The following LYST variants were observed in gnomAD, a reference collection of about 807,000 sequenced individuals.
LYST encodes lysosomal trafficking regulator, also known as lysosomal-trafficking regulator.
LYST carries 192 observed loss-of-function variants against 413.6 expected under a neutral mutation model. The ratio of observed to expected loss-of-function variants is 0.46; its 90% confidence interval spans 0.41 to 0.52. LYST has a LOEUF of 0.52. LYST is among the 20% of genes least tolerant of loss of function. The probability of loss-of-function intolerance (pLI) is 0.00; values close to 1 mark genes in which losing one functional copy is unlikely to be tolerated. For synonymous variants in LYST, 1,525 were observed against 1,567.3 expected (o/e 0.97, Z 0.64); for missense variants, 3,815 against 4,499.9 (o/e 0.85, Z 4.35).
intron 1 of LYST, among the ~76,000 whole-genome samples, chr1:235,864,862 G>C (rs559795878): frequency 6.6e-6 from 1 of 152,278 alleles, no homozygotes; most frequent in African/African-American, 2.4e-5. Context: ...CTGGGAAGTC[G>C]AGGCTGCAGT....
At chr1:235,738,815 A>G in intron 31 of LYST, 1 of 805,622 alleles carries the variant, frequency 1.2e-6, no homozygotes, top group Non-Finnish European at 2.2e-6. Flanking sequence ...GGGTGCACCC[A>G]ATTTCCACCA....
At position 235,827,335 on chromosome 1, in the gene LYST, G is replaced by C. The variant is rs115841482; in HGVS notation, c.192+2891C>G. On this transcript the variant is annotated intron_variant, in intron 3 of 52. Transcript: ENST00000389793. ...AGTGAGCCATGATTGTGCCGCTGCA[G>C]TCCAGCCTGGGTGAAAAAGTGAGAC... The C allele has an allele frequency of 0.017, 11,402 of 658,592 alleles. 1,146 individuals carry two copies. In the African/African-American group the frequency reaches 0.21, roughly 12 times the overall value. 40.8% of individuals were successfully genotyped at this position (658,592 alleles called of 1,614,324 possible).
At chr1:235,801,424 T>C (rs57456150) in intron 8 of LYST, among the ~76,000 whole-genome samples, 31 of 150,864 alleles carry the variant, frequency 2.1e-4, no homozygotes, top group African/African-American at 7.3e-4. Flanking sequence ...GACCCCCCCC[T>C]CAAATACCTA....
At chr1:235,746,250 C>T in intron 29 of LYST, 86 bp downstream of exon 29, 1 of 1,137,964 alleles carries the variant, frequency 8.8e-7, no homozygotes, top group South Asian at 1.3e-5. Context: ...GCTGCTTAAA[C>T]ATCTGAAAAC....
At position 235,810,528 on chromosome 1, in the gene LYST, T is replaced by C; in HGVS notation, c.290A>G (p.Asn97Ser). The C allele has an allele frequency of 6.2e-7, 1 of 1,610,976 alleles. No homozygotes were observed. The highest frequency in any genetic ancestry group is 8.5e-7 in the Non-Finnish European group (1 of 1,179,708). Residue 97 changes from asparagine (N) to serine (S), a missense_variant, in exon 5 of 53, where the codon AAC (asparagine) becomes AGC (serine). By Grantham distance (46) the Asn-to-Ser change is conservative. Transcript: ENST00000389793. ...GATTATATCTGCTGAGAGCGGTAGGTTAAAATCTAATGGAATGAAAAAAGA... is the reference window on the plus strand; with the variant it reads ...GATTATATCTGCTGAGAGCGGTAGGCTAAAATCTAATGGAATGAAAAAAGA... ...PVQEEKATDF[N>S]LPLSADIILT... is the part of the protein sequence containing the mutation.
At chr1:235,726,440 A>G (rs1572080987) in intron 38 of LYST, among the ~76,000 whole-genome samples, 1 of 152,188 alleles carries the variant, frequency 6.6e-6, no homozygotes, top group East Asian at 1.9e-4. Context: ...TTCATTCAAC[A>G]TATATTAATT....
At position 235,709,997 on chromosome 1, in the gene LYST, A is replaced by T. The variant is rs76631752; in HGVS notation, c.9926-689T>A. On this transcript the variant is annotated intron_variant, in intron 43 of 52. Coordinates refer to ENST00000389793, the MANE Select transcript of LYST (RefSeq NM_000081.4). ...ACAAAAATCTCAGAAGTGTTTATTTAAAAAAATTATCCTAAAGGAAATGTT... is the reference window on the plus strand; with the variant it reads ...ACAAAAATCTCAGAAGTGTTTATTTTAAAAAATTATCCTAAAGGAAATGTT... Among the ~76,000 whole-genome samples the T allele has an allele frequency of 5.1e-3, 770 of 152,262 alleles. 10 individuals are homozygous for T. The highest frequency in any genetic ancestry group is 0.017 in the African/African-American group (715 of 41,562).
At chr1:235,804,336 G>C (rs902545077) in intron 7 of LYST, among the ~76,000 whole-genome samples, 168 bp downstream of exon 7, 2 of 152,086 alleles carry the variant, frequency 1.3e-5, no homozygotes, top group African/African-American at 2.4e-5. Flanking sequence ...ACAAAATACT[G>C]TCCATCCCAT....
At chr1:235,863,875 T>A (rs1271546916) in intron 1 of LYST, among the ~76,000 whole-genome samples, 5 of 152,220 alleles carry the variant, frequency 3.3e-5, no homozygotes, top group African/African-American at 4.8e-5. Context: ...GAATTTTCTG[T>A]GAGGCCCATC....
intron 16 of LYST, among the ~76,000 whole-genome samples, chr1:235,778,778 T>C (rs1177743886): frequency 6.6e-6 from 1 of 152,120 alleles, no homozygotes; most frequent in Non-Finnish European, 1.5e-5. Flanking sequence ...TGTGTATGAT[T>C]ATGCTGGAAA....
At chr1:235,763,757 A>C (rs913611637) in intron 21 of LYST, among the ~76,000 whole-genome samples, 3 of 151,934 alleles carry the variant, frequency 2.0e-5, no homozygotes, top group Non-Finnish European at 4.4e-5. Flanking sequence ...CATGCCTAGC[A>C]TGACTTCATT....
upstream of LYST, among the ~76,000 whole-genome samples, chr1:235,869,646 T>C (rs1680843978): frequency 6.6e-6 from 1 of 152,234 alleles, no homozygotes; most frequent in Non-Finnish European, 1.5e-5. Flanking sequence ...ATTTCACATT[T>C]AATTATTCTC....
chr1:235,662,923 G>C lies in LYST; in HGVS notation c.*17C>G. Reference sequence around the variant, plus strand: ...TTGGAGTTAAAGTGCTTTGGAGAACGTGAAGTTCATTCGCATTCACCCGGC... The same window carrying C: ...TTGGAGTTAAAGTGCTTTGGAGAACCTGAAGTTCATTCGCATTCACCCGGC... On this transcript the variant is annotated 3_prime_UTR_variant, in exon 53 of 53. Transcript: ENST00000389793. 1 of 1,383,598 alleles carries C rather than the reference G, an allele frequency of 7.2e-7. No homozygotes were observed. Among genetic ancestry groups the C allele is most frequent in the Middle Eastern group, 1.8e-4 (1 of 5,644 alleles). The allele number at this position is 1,383,598 out of a possible 1,614,324, so 85.7% of individuals were successfully genotyped here.
chr1:235,669,559 T>C (rs2103019503), intron 50 of LYST, among the ~76,000 whole-genome samples: 1 of 152,230 alleles, frequency 6.6e-6, no homozygotes, highest in Non-Finnish European at 1.5e-5. Flanking sequence ...TCCACAGGAG[T>C]GTGACCTTTG....
intron 14 of LYST, among the ~76,000 whole-genome samples, chr1:235,784,240 C>CTTGAATAAACA (rs1670180317): frequency 6.6e-6 from 1 of 152,252 alleles, no homozygotes; most frequent in East Asian, 1.9e-4. Flanking sequence ...TTTAAGTCAA[C>CTTGAATAAACA]AGAATAAAAT....
chr1:235,864,223 T>C (rs1305927323), intron 1 of LYST, among the ~76,000 whole-genome samples: 6 of 152,176 alleles, frequency 3.9e-5, no homozygotes, highest in Non-Finnish European at 5.9e-5. Context: ...GAGGTCTCTA[T>C]ACCTATTGAG....
intron 37 of LYST, 60 bp from the exon 38 acceptor site, chr1:235,728,191 T>C (rs892759204): frequency 1.7e-6 from 2 of 1,185,564 alleles, no homozygotes; most frequent in Non-Finnish European, 2.5e-6. Context: ...CCATTCATGG[T>C]TTAATGCATG....
At chr1:235,706,344 C>G (rs1219789450) in intron 44 of LYST, among the ~76,000 whole-genome samples, 1 of 152,186 alleles carries the variant, frequency 6.6e-6, no homozygotes, top group Non-Finnish European at 1.5e-5. Context: ...ACCCTCATTT[C>G]AGAAGACAAA....
intron 1 of LYST, among the ~76,000 whole-genome samples, 176 bp downstream of exon 1, chr1:235,866,667 G>A (rs1490159206): frequency 6.6e-6 from 1 of 151,300 alleles, no homozygotes; most frequent in African/African-American, 2.5e-5. Context: ...AGGACGCCCC[G>A]AGCTGGCGCG....
Sources: allele counts gnomAD v4.1 joint callset (sites outside exome capture counted in the v4.1 genomes callset), GRCh38; gene constraint gnomAD v4.1.1; transcripts MANE v1.5; gene names NCBI Gene and HGNC (gene_info 2026-07-23, HGNC 2026-07-21).